The following FN1 variants were observed in gnomAD, a reference collection of about 807,000 sequenced individuals.
The protein encoded by FN1 is fibronectin 1, also known as fibronectin.
FN1 carries 106 observed loss-of-function variants against 297.3 expected under a neutral mutation model. The ratio of observed to expected loss-of-function variants is 0.36; its 90% CI spans 0.30 to 0.42. The LOEUF (loss-of-function observed/expected upper bound fraction) is 0.42. Among genes scored for constraint, FN1 ranks in the 10% least tolerant of loss-of-function variants. The pLI, the probability that FN1 is intolerant of heterozygous loss-of-function variation, is 1.00. For missense variants in FN1, 2,690 were observed against 3,124.9 expected (o/e 0.86, Z 3.32); for synonymous variants, 1,149 against 1,152.6 (o/e 1.00, Z 0.06).
chr2:215,370,997 G>A (rs1364055683), intron 40 of FN1, among the ~76,000 whole-genome samples: 2 of 152,258 alleles, frequency 1.3e-5, no homozygotes, highest in South Asian at 4.1e-4. Flanking sequence ...CGGGTGTAGT[G>A]GGTGGCTCAT....
chr2:215,401,271 G>A (rs1442883715), intron 20 of FN1, among the ~76,000 whole-genome samples: 1 of 92,284 alleles, frequency 1.1e-5, no homozygotes, highest in African/African-American at 5.0e-5. Flanking sequence ...AGGAAGGAAA[G>A]GAAAGGAAAG....
chr2:215,382,492 G>T (rs933691680), intron 31 of FN1, among the ~76,000 whole-genome samples, 167 bp from the exon 32 acceptor site: 3 of 152,166 alleles, frequency 2.0e-5, no homozygotes, highest in Non-Finnish European at 2.9e-5. Flanking sequence ...GGACAAACCT[G>T]TTCATTGCTA....
intron 40 of FN1, 184 bp from the exon 41 acceptor site, chr2:215,370,616 A>G (rs2106223512): frequency 1.7e-6 from 1 of 598,982 alleles, no homozygotes; most frequent in Non-Finnish European, 2.9e-6. Context: ...AAATGGAACA[A>G]GGATAGGGGC....
At position 215,371,836 on chromosome 2, in the gene FN1, G is replaced by A. The variant is rs916783737; in HGVS notation, c.6714+73C>T. Reference sequence around the variant, plus strand: ...CCATGAAGCCACTTTTTATTCGAGGGCTGGTCACTTCAGTTACCTAACTTA... The same window carrying A: ...CCATGAAGCCACTTTTTATTCGAGGACTGGTCACTTCAGTTACCTAACTTA... On this transcript the variant is annotated intron_variant, in intron 40 of 45. Transcript: ENST00000354785. The A allele has an allele frequency of 3.0e-6, 4 of 1,330,062 alleles. No homozygotes were observed. The Admixed American group carries it at 6.8e-5, about 22-fold the overall frequency. The allele number at this position is 1,330,062 out of a possible 1,614,324, so 82.4% of individuals were successfully genotyped here. A position where few individuals can be genotyped will look rare whatever the true frequency, so the allele number is the denominator to read the frequency against.
At chr2:215,373,883 CGTGTTAGCCAGGATG>C (rs972883646) in intron 38 of FN1, among the ~76,000 whole-genome samples, 16 of 151,878 alleles carry the variant, frequency 1.1e-4, no homozygotes, top group African/African-American at 3.9e-4. Context: ...GGGGTTTCAC[CGTGTTAGCCAGGATG>C]GTCTCGATCT....
At chr2:215,418,143 G>C (rs1468481680) in intron 12 of FN1, among the ~76,000 whole-genome samples, 2 of 152,160 alleles carry the variant, frequency 1.3e-5, no homozygotes, top group Admixed American at 6.6e-5. Flanking sequence ...TGGTCAATCT[G>C]TGCTATAAGC....
Position 215,407,247 on chromosome 2 carries a change from C to A in FN1, c.2593G>T (p.Val865Phe), listed in dbSNP as rs372271954. The A allele has an allele frequency of 2.5e-6, 4 of 1,614,108 alleles. No homozygotes were observed. The highest frequency in any genetic ancestry group is 1.7e-5 in the Admixed American group (1 of 60,018). ...CCAGGTTGCAAGTCACTGAGGGTGA[C>A]GGAGTTTGCAGTTTCAGGAAGGTTG... ...ELNLPETANS[V>F]TLSDLQPGVQ... The change falls in exon 18 of 46, where the codon GTC becomes TTC. Residue 865 changes from valine (V) to phenylalanine (F), a missense_variant. By Grantham distance (50) the Val-to-Phe change is conservative. This residue lies in a region of FN1 where 71 missense variants were observed against 121.7 expected (regional missense o/e 0.58). Coordinates refer to ENST00000354785, the MANE Select transcript of FN1 (RefSeq NM_212482.4).
chr2:215,383,387 C>T lies in FN1; in HGVS notation c.4991G>A (p.Arg1664Lys). Reference sequence around the variant, plus strand: ...TCCATTTTTGGGAGTGGTGGTTACTCTGTAACCAGTAACAGGGGAACTTGA... The same window carrying T: ...TCCATTTTTGGGAGTGGTGGTTACTTTGTAACCAGTAACAGGGGAACTTGA... ...LPSSSPVTGY[R>K]VTTTPKNGPG... The change falls in exon 31 of 46, where the codon AGA (arginine) becomes AAA (lysine). Residue 1664 changes from arginine to lysine, a missense_variant. Physicochemically the swap from Arg to Lys is conservative, Grantham distance 26. Around this residue, in one of 3 missense-constraint regions of FN1, gnomAD observed 1,743 missense variants for 1,945.2 expected, o/e 0.90. Transcript: ENST00000354785. The T allele has an allele frequency of 6.2e-7, 1 of 1,612,662 alleles. No individual in the cohort carries two copies. The highest frequency in any genetic ancestry group is 8.5e-7 in the Non-Finnish European group (1 of 1,178,634).
intron 40 of FN1, 100 bp from the exon 41 acceptor site, chr2:215,370,532 A>C: frequency 1.0e-6 from 1 of 959,220 alleles, no homozygotes. Flanking sequence ...AAACAAAGCA[A>C]AGGAAGACAA....
chr2:215,402,846 C>T (rs1464709503), intron 20 of FN1, among the ~76,000 whole-genome samples: 2 of 152,020 alleles, frequency 1.3e-5, no homozygotes, highest in Non-Finnish European at 2.9e-5. Context: ...ATAATATATC[C>T]AATATATCAG....
Position 215,410,130 on chromosome 2 carries a change from AACACACAC to A in FN1, c.1942-24_1942-17del, listed in dbSNP as rs5838511. 9.1e-6 allele frequency: 13 copies of A among 1,423,322 alleles called. No individual in the cohort carries two copies. Among genetic ancestry groups the A allele is most frequent in the African/African-American group, 2.8e-5 (2 of 71,296 alleles). The allele number at this position is 1,423,322 out of a possible 1,614,324, so 88.2% of individuals were successfully genotyped here. On this transcript the variant is annotated splice_polypyrimidine_tract_variant and intron_variant, in intron 13 of 45. Transcript: ENST00000354785. ...CAGAATTTTTCTGAAAATTTAAATT[AACACACAC>A]ACACACACACACACGTGTTTACAAG... is the stretch of plus-strand genomic sequence containing the variant.
At chr2:215,410,631 C>G (rs2062486414) in intron 13 of FN1, among the ~76,000 whole-genome samples, 1 of 152,090 alleles carries the variant, frequency 6.6e-6, no homozygotes, top group Non-Finnish European at 1.5e-5. Context: ...CCTCAGCCTC[C>G]CGAGTAGCTG....
chr2:215,377,806 A>G (rs1214279297), intron 35 of FN1, among the ~76,000 whole-genome samples: 3 of 152,202 alleles, frequency 2.0e-5, no homozygotes, highest in African/African-American at 7.2e-5. Flanking sequence ...ATAGTCCATA[A>G]TATCAACATT....
At chr2:215,366,319 A>G (rs1016275313) in intron 42 of FN1, among the ~76,000 whole-genome samples, 2 of 152,152 alleles carry the variant, frequency 1.3e-5, no homozygotes. Flanking sequence ...TTAGGAATAG[A>G]TCCTAGATGA....
chr2:215,375,078 G>C, intron 38 of FN1, 136 bp downstream of exon 38: 2 of 896,282 alleles, frequency 2.2e-6, no homozygotes, highest in Non-Finnish European at 3.6e-6. Flanking sequence ...CCTACACAGA[G>C]AATGCTTTTT....
intron 11 of FN1, 27 bp downstream of exon 11, chr2:215,420,646 C>T: frequency 6.2e-7 from 1 of 1,613,824 alleles, no homozygotes. Flanking sequence ...CCTGTGCAAA[C>T]TCATCTAGGG....
intron 26 of FN1, among the ~76,000 whole-genome samples, chr2:215,390,299 C>G (rs1354725556): frequency 6.6e-6 from 1 of 152,146 alleles, no homozygotes; most frequent in Non-Finnish European, 1.5e-5. Context: ...ATCCTCCTAC[C>G]TCAACTTCCT....
intron 33 of FN1, chr2:215,379,853 T>G (rs2057956090): frequency 1.3e-5 from 2 of 154,986 alleles, no homozygotes; most frequent in South Asian, 4.0e-4. Context: ...TCACCACACC[T>G]CGCTAATTTT....
Position 215,372,208 on chromosome 2 carries a change from G to A in FN1, c.6415C>T (p.Gln2139Ter). The change falls in exon 40 of 46, where the codon CAA (glutamine) becomes TAA (stop). Residue 2139 changes from glutamine to a stop codon, truncating the protein, a stop_gained. Transcript: ENST00000354785. LOFTEE classifies it high-confidence loss of function. ...CCATGTTCCTCAAAGATCATTTGTT[G>A]CCCAACACTGGGTTGCTGACCAGAA... ...GTSGQQPSVGQQMIFEEHGFR... is the reference protein window; with the variant it reads ...GTSGQQPSVG 6.2e-7 allele frequency: 1 copy of A among 1,614,212 alleles called. No individual in the cohort carries two copies. The highest frequency in any genetic ancestry group is 8.5e-7 in the Non-Finnish European group (1 of 1,180,036).
Sources: allele counts gnomAD v4.1 joint callset (sites outside exome capture counted in the v4.1 genomes callset), GRCh38; gene constraint gnomAD v4.1.1; regional missense constraint gnomAD v4.1.1; transcripts MANE v1.5; gene names NCBI Gene and HGNC (gene_info 2026-07-23, HGNC 2026-07-21).